The following FHOD3 variants were observed in gnomAD, a reference collection of about 807,000 sequenced individuals.
FHOD3 encodes FH1/FH2 domain-containing protein 3.
FHOD3 carries 90 observed loss-of-function variants against 173.0 expected under a neutral mutation model. That is an observed-to-expected ratio of 0.52 (90% CI 0.44 to 0.62). FHOD3 has a LOEUF of 0.62. Among genes scored for constraint, FHOD3 ranks in the 20% least tolerant of loss-of-function variants. The probability of loss-of-function intolerance (pLI) is 0.00; values close to 1 mark genes in which losing one functional copy is unlikely to be tolerated. For missense variants in FHOD3, 1,945 were observed against 2,034.7 expected (o/e 0.96, Z 0.85); for synonymous variants, 828 against 823.0 (o/e 1.01, Z -0.10).
intron 3 of FHOD3, among the ~76,000 whole-genome samples, chr18:36,425,027 G>A (rs541125798): frequency 6.6e-6 from 1 of 152,104 alleles, no homozygotes; most frequent in Admixed American, 6.5e-5. Flanking sequence ...CCAAAGAGAA[G>A]CCATAAAGTG....
intron 5 of FHOD3, among the ~76,000 whole-genome samples, chr18:36,523,378 A>G (rs1341448931): frequency 6.6e-6 from 1 of 152,250 alleles, no homozygotes; most frequent in Non-Finnish European, 1.5e-5. Context: ...AACTCCAAGA[A>G]CAGAGTTGGA....
chr18:36,692,709 T>C (rs2039036294), intron 16 of FHOD3, among the ~76,000 whole-genome samples: 1 of 152,208 alleles, frequency 6.6e-6, no homozygotes, highest in African/African-American at 2.4e-5. Flanking sequence ...TCCAGTTACA[T>C]TGCTGTTAGT....
chr18:36,767,707 C>T (rs1289586126), intron 27 of FHOD3, among the ~76,000 whole-genome samples: 2 of 152,154 alleles, frequency 1.3e-5, no homozygotes, highest in African/African-American at 4.8e-5. Context: ...GGTGTCCTGG[C>T]TCTCCTTTTG....
chr18:36,404,795 G>T (rs1338156936), intron 3 of FHOD3, among the ~76,000 whole-genome samples: 1 of 152,192 alleles, frequency 6.6e-6, no homozygotes, highest in Non-Finnish European at 1.5e-5. Flanking sequence ...TGCCATGCTT[G>T]CTGTTCTTAT....
Position 36,381,082 on chromosome 18 carries a change from A to G in FHOD3, c.337+8338A>G, listed in dbSNP as rs1206045368. Among the ~76,000 whole-genome samples the G allele has an allele frequency of 2.0e-5, 3 of 152,300 alleles. No homozygotes were observed. In the East Asian group the frequency reaches 5.8e-4, roughly 29 times the overall value. ...TTGAAATCATCTTTAGCCCTTCTCTACAGATACAATTGCCGAGACCGAGGC... is the reference window on the plus strand; with the variant it reads ...TTGAAATCATCTTTAGCCCTTCTCTGCAGATACAATTGCCGAGACCGAGGC... On this transcript the variant is annotated intron_variant, in intron 3 of 28. Coordinates refer to ENST00000590592, the MANE Select transcript of FHOD3 (RefSeq NM_001281740.3).
intron 26 of FHOD3, among the ~76,000 whole-genome samples, chr18:36,759,665 C>T (rs1381198271): frequency 1.3e-5 from 2 of 152,210 alleles, no homozygotes; most frequent in African/African-American, 4.8e-5. Context: ...AGGGGCTCTT[C>T]CCTAGACCCT....
chr18:36,739,435 C>G lies in FHOD3; in HGVS notation c.3577-1221C>G, dbSNP rs185510825. On this transcript the variant is annotated intron_variant, in intron 20 of 28. Transcript: ENST00000590592. The stretch of plus-strand genomic sequence containing the variant: ...CCTTGAATTCTTTCCTGGTTAAAGC[C>G]AAAAACCATCCCAGGCTAAGTCCCA... 7.4e-3 allele frequency among the ~76,000 whole-genome samples: 1,122 copies of G among 152,274 alleles called. 9 individuals are homozygous for G. Among genetic ancestry groups the G allele is most frequent in the Non-Finnish European group, 8.5e-3 (575 of 68,018 alleles).
At chr18:36,466,630 T>G (rs1488461977) in intron 3 of FHOD3, among the ~76,000 whole-genome samples, 4 of 152,164 alleles carry the variant, frequency 2.6e-5, no homozygotes, top group Non-Finnish European at 5.9e-5. Flanking sequence ...GTTTAAAAAC[T>G]TGGGGTCAGC....
intron 15 of FHOD3, among the ~76,000 whole-genome samples, chr18:36,683,359 A>G (rs1421155469): frequency 3.3e-5 from 5 of 152,204 alleles, no homozygotes; most frequent in African/African-American, 1.2e-4. Context: ...ACCTCTTGAA[A>G]CAGGGTGCTG....
chr18:36,514,396 G>C (rs1430035160), intron 5 of FHOD3, among the ~76,000 whole-genome samples: 2 of 152,156 alleles, frequency 1.3e-5, no homozygotes, highest in African/African-American at 4.8e-5. Flanking sequence ...AAAGAGATGA[G>C]TGCAGGCCTG....
At chr18:36,304,135 A>G (rs559458971) in intron 1 of FHOD3, among the ~76,000 whole-genome samples, 2 of 152,364 alleles carry the variant, frequency 1.3e-5, no homozygotes, top group East Asian at 3.9e-4. Context: ...TTATAAAATA[A>G]ATATTTGAGA....
intron 20 of FHOD3, among the ~76,000 whole-genome samples, chr18:36,735,924 A>AT (rs968112336): frequency 5.3e-5 from 8 of 152,242 alleles, no homozygotes; most frequent in African/African-American, 1.9e-4. Flanking sequence ...GGATTTCTGC[A>AT]TTTTTCTCCA....
chr18:36,415,996 G>A (rs1157818791), intron 3 of FHOD3, among the ~76,000 whole-genome samples: 2 of 152,088 alleles, frequency 1.3e-5, no homozygotes, highest in Non-Finnish European at 2.9e-5. Flanking sequence ...CATATTTCAA[G>A]CACATTGAAT....
At chr18:36,428,181 C>T (rs777438380) in intron 3 of FHOD3, among the ~76,000 whole-genome samples, 3 of 152,116 alleles carry the variant, frequency 2.0e-5, no homozygotes, top group Non-Finnish European at 4.4e-5. Flanking sequence ...TGTATTATGC[C>T]TTAAAATTTT....
Position 36,760,592 on chromosome 18 carries a change from C to T in FHOD3, c.4450-16C>T, listed in dbSNP as rs1350953667. 6.4e-6 allele frequency: 10 copies of T among 1,550,704 alleles called. No individual in the cohort carries two copies. Among genetic ancestry groups the T allele is most frequent in the Non-Finnish European group, 7.9e-6 (9 of 1,143,268 alleles). On this transcript the variant is annotated splice_polypyrimidine_tract_variant and intron_variant, in intron 26 of 28. Coordinates refer to ENST00000590592, the MANE Select transcript of FHOD3 (RefSeq NM_001281740.3). ...GGGAGTCTCCCTCACCTGCTAACTT[C>T]CCCTTGGTTTTGCAGTCTGGCAAGT... is the stretch of plus-strand genomic sequence containing the variant.
At chr18:36,502,615 T>G (rs1002699566) in intron 4 of FHOD3, among the ~76,000 whole-genome samples, 1 of 152,310 alleles carries the variant, frequency 6.6e-6, no homozygotes, top group African/African-American at 2.4e-5. Context: ...TGGGGGTATA[T>G]GTGCCACATT....
intron 1 of FHOD3, among the ~76,000 whole-genome samples, chr18:36,351,737 C>T (rs989615737): frequency 1.3e-5 from 2 of 152,100 alleles, no homozygotes; most frequent in African/African-American, 2.4e-5. Flanking sequence ...TGGCACAAAG[C>T]GCCTTGAGGC....
chr18:36,744,252 C>T (rs946692772), intron 23 of FHOD3, 59 bp downstream of exon 23: 57 of 1,550,314 alleles, frequency 3.7e-5, no homozygotes, highest in Non-Finnish European at 4.6e-5. Flanking sequence ...GGATCTTTAT[C>T]GGTCATCCTC....
intron 8 of FHOD3, among the ~76,000 whole-genome samples, chr18:36,609,696 G>A (rs978901680): frequency 6.2e-5 from 9 of 146,036 alleles, no homozygotes; most frequent in African/African-American, 1.3e-4. Context: ...TGCAATCTCC[G>A]TCTCCCGGGT....
Sources: allele counts gnomAD v4.1 joint callset (sites outside exome capture counted in the v4.1 genomes callset), GRCh38; gene constraint gnomAD v4.1.1; transcripts MANE v1.5; gene names NCBI Gene and HGNC (gene_info 2026-07-23, HGNC 2026-07-21).